CENPE: variants seen among roughly 807,000 people sequenced by gnomAD.
CENPE encodes the protein centromere protein E.
Under a neutral mutation model 336.1 loss-of-function variants are expected in CENPE, and 145 were observed. The observed-to-expected ratio is 0.43, with a 90% CI of 0.38 to 0.50. The LOEUF (loss-of-function observed/expected upper bound fraction) is 0.50, where lower values mean the gene tolerates loss of function less well. Among genes scored for constraint, CENPE ranks in the 20% least tolerant of loss-of-function variants. The probability of loss-of-function intolerance (pLI) is 0.00; values close to 1 mark genes in which losing one functional copy is unlikely to be tolerated. For synonymous variants in CENPE, 1,013 were observed against 984.8 expected (o/e 1.03, Z -0.54); for missense variants, 2,719 against 3,023.3 (o/e 0.90, Z 2.36).
At position 103,143,672 on chromosome 4, in the gene CENPE, T is replaced by C. The variant is rs151325949; in HGVS notation, c.5146-266A>G. On this transcript the variant is annotated intron_variant, in intron 33 of 48. Coordinates refer to ENST00000265148, the MANE Select transcript of CENPE (RefSeq NM_001813.3). The stretch of plus-strand genomic sequence containing the variant: ...GTGGCATAGAATTCCATGACGTGAA[T>C]GTGCTGCACTTATTTAACCAGTCCC... Among the ~76,000 whole-genome samples the C allele has an allele frequency of 6.0e-3, 911 of 152,344 alleles. 5 individuals carry two copies. The highest frequency in any genetic ancestry group is 0.014 in the Middle Eastern group (4 of 294).
intron 42 of CENPE, among the ~76,000 whole-genome samples, chr4:103,123,427 A>G (rs1431578705): frequency 6.6e-6 from 1 of 152,156 alleles, no homozygotes; most frequent in African/African-American, 2.4e-5. Flanking sequence ...TTAATTAATA[A>G]TGGCCCCAAA....
In CENPE at chr4:103,120,331, T is replaced by A; in HGVS notation, c.7146A>T (p.Lys2382Asn). 3 of 1,605,230 alleles carry A rather than the reference T, an allele frequency of 1.9e-6. No individual in the cohort carries two copies. The highest frequency in any genetic ancestry group is 1.7e-4 in the Middle Eastern group (1 of 6,038). ...TSRATQLTTEKIRELENSLHE... is the reference protein window; with the variant it reads ...TSRATQLTTENIRELENSLHE... ...GCAGTGAATTTTCCAGCTCTCGAATTTTCTATTAGAAAAAGCACACATTCA... is the reference window on the plus strand; with the variant it reads ...GCAGTGAATTTTCCAGCTCTCGAATATTCTATTAGAAAAAGCACACATTCA... The change falls in exon 44 of 49, where the codon AAA becomes AAT. Residue 2382 changes from lysine to asparagine, a missense_variant and splice_region_variant. Coordinates refer to ENST00000265148, the MANE Select transcript of CENPE (RefSeq NM_001813.3).
rs945511995 is a variant in CENPE, at chr4:103,161,535, A to G, written c.1843-78T>C. 4 of 1,285,570 alleles carry G rather than the reference A, an allele frequency of 3.1e-6. No homozygotes were observed. In the African/African-American group the frequency reaches 4.5e-5, roughly 15 times the overall value. 79.6% of individuals were successfully genotyped at this position (1,285,570 alleles called of 1,614,324 possible). A position where few individuals can be genotyped will look rare whatever the true frequency, so the allele number is the denominator to read the frequency against. On this transcript the variant is annotated intron_variant, in intron 18 of 48. Transcript: ENST00000265148. ...AAATTCTTAAGAGAACATGTATATA[A>G]ATGTTAACTCTAGCTAATCAAAAAG... is the stretch of plus-strand genomic sequence containing the variant.
intron 40 of CENPE, among the ~76,000 whole-genome samples, chr4:103,134,635 CAAAAAAAAA>C (rs36085712): frequency 1.5e-5 from 1 of 64,772 alleles, no homozygotes; most frequent in African/African-American, 6.3e-5. Context: ...GACTCCGTCT[CAAAAAAAAA>C]AAAAAAAAAA....
At position 103,142,780 on chromosome 4, in the gene CENPE, C is replaced by A. The variant is rs141363217; in HGVS notation, c.5304+468G>T. On this transcript the variant is annotated intron_variant, in intron 34 of 48. Coordinates refer to ENST00000265148, the MANE Select transcript of CENPE (RefSeq NM_001813.3). Reference sequence around the variant, plus strand: ...ATCCCAGCACTTTGGGAGGCCGAGGCGGGTGGATCATGAGGTCAGGAGATC... The same window carrying A: ...ATCCCAGCACTTTGGGAGGCCGAGGAGGGTGGATCATGAGGTCAGGAGATC... Among the ~76,000 whole-genome samples the A allele has an allele frequency of 3.6e-4, 55 of 152,068 alleles. 2 individuals are homozygous for A. The East Asian group carries it at 6.2e-3, about 17-fold the overall frequency.
At chr4:103,125,699 TA>T (rs561211383) in intron 42 of CENPE, among the ~76,000 whole-genome samples, 5 of 150,552 alleles carry the variant, frequency 3.3e-5, no homozygotes, top group African/African-American at 1.2e-4. Flanking sequence ...CCGTCTCTAC[TA>T]AAAAAAATAC....
chr4:103,178,442 G>T (rs896432111), intron 13 of CENPE, among the ~76,000 whole-genome samples: 1 of 152,122 alleles, frequency 6.6e-6, no homozygotes, highest in African/African-American at 2.4e-5. Flanking sequence ...CACAAAGAAA[G>T]TATAAACCTA....
At chr4:103,147,001 T>C (rs1753110063) in intron 29 of CENPE, among the ~76,000 whole-genome samples, 1 of 152,018 alleles carries the variant, frequency 6.6e-6, no homozygotes, top group Non-Finnish European at 1.5e-5. Context: ...ACTAAAACAA[T>C]GAGAAAGCAC....
Position 103,195,204 on chromosome 4 carries a change from T to C in CENPE, c.387A>G (p.Val129=). 1.9e-6 allele frequency: 3 copies of C among 1,581,896 alleles called. No individual in the cohort carries two copies. Among genetic ancestry groups the C allele is most frequent in the Non-Finnish European group, 2.6e-6 (3 of 1,169,022 alleles). ...TTTCATTGTATATTTCCATGTAAGA[T>C]ACACGTAAGAGAAATTCCCTATCAG... ...KFPDREFLLR[V]SYMEIYNETI... is the part of the protein sequence containing the mutation. The change falls in exon 5 of 49, where the codon GTA becomes GTG. Residue 129 remains valine, a synonymous_variant. Transcript: ENST00000265148.
At chr4:103,178,978 T>C (rs781110732) in intron 13 of CENPE, among the ~76,000 whole-genome samples, 3 of 152,182 alleles carry the variant, frequency 2.0e-5, no homozygotes, top group Non-Finnish European at 2.9e-5. Context: ...CACATTTGCA[T>C]TTTCAACAGC....
intron 17 of CENPE, 46 bp from the exon 18 acceptor site, chr4:103,163,302 A>G: frequency 6.5e-7 from 1 of 1,537,690 alleles, no homozygotes. Context: ...TCTGATTTGA[A>G]GTCTAAGGGA....
At chr4:103,147,949 C>T (rs1326207453) in intron 28 of CENPE, among the ~76,000 whole-genome samples, 2 of 152,110 alleles carry the variant, frequency 1.3e-5, no homozygotes, top group African/African-American at 4.8e-5. Context: ...CTGCCTTGGC[C>T]TCCCAAAGTG....
At position 103,185,714 on chromosome 4, in the gene CENPE, ATTACT is replaced by A. The variant is rs1016512540; in HGVS notation, c.745+91_745+95del. 1.0e-4 allele frequency: 64 copies of A among 636,876 alleles called. No individual in the cohort carries two copies. In the Admixed American group the frequency reaches 1.8e-3, roughly 18 times the overall value. 39.5% of individuals were successfully genotyped at this position (636,876 alleles called of 1,614,324 possible). ...TTCATTATTATTAATAATGAATATA[ATTACT>A]TTATCAATTTCTAAAAATGCCTGGT... On this transcript the variant is annotated intron_variant, in intron 9 of 48. Coordinates refer to ENST00000265148, the MANE Select transcript of CENPE (RefSeq NM_001813.3).
chr4:103,112,315 T>TTATA lies in CENPE; in HGVS notation c.7541-1308_7541-1305dup, dbSNP rs1358535092. On this transcript the variant is annotated intron_variant, in intron 46 of 48. Coordinates refer to ENST00000265148, the MANE Select transcript of CENPE (RefSeq NM_001813.3). Reference sequence around the variant, plus strand: ...TAAGATATTTGCTTGTACTATATACTTATAAGTGTATATATATATACACTT... The same window carrying TTATA: ...TAAGATATTTGCTTGTACTATATACTTATATATAAGTGTATATATATATACACTT... Among the ~76,000 whole-genome samples, 88 of 142,048 alleles carry TTATA rather than the reference T, an allele frequency of 6.2e-4. 1 individual carries two copies. Among genetic ancestry groups the TTATA allele is most frequent in the African/African-American group, 2.1e-3 (85 of 40,000 alleles). The allele number at this position is 142,048 out of a possible 152,430, so 93.2% of individuals were successfully genotyped here. A position where few individuals can be genotyped will look rare whatever the true frequency, so the allele number is the denominator to read the frequency against.
intron 21 of CENPE, among the ~76,000 whole-genome samples, chr4:103,159,802 AAATAG>A (rs927154474): frequency 6.6e-6 from 1 of 152,030 alleles, no homozygotes; most frequent in Admixed American, 6.6e-5. Context: ...AAAAAAATAA[AAATAG>A]AAGTACCACT....
chr4:103,132,787 T>C lies in CENPE; in HGVS notation c.6830A>G (p.Asn2277Ser). Reference protein sequence around the residue: ...EMTQFLEEWLNTRFDIEKLKN... With the variant: ...EMTQFLEEWLSTRFDIEKLKN... The stretch of plus-strand genomic sequence containing the variant: ...AAGCTTTTCTATATCAAAACGAGTA[T>C]TTAACCACTCTTCCAAAAACTGTGT... The change falls in exon 42 of 49, where the codon AAT becomes AGT. Residue 2277 changes from asparagine (N) to serine (S), a missense_variant. This residue lies in a region of CENPE where 2,437 missense variants were observed against 2,513.3 expected (regional missense o/e 0.97). Coordinates refer to ENST00000265148, the MANE Select transcript of CENPE (RefSeq NM_001813.3). 6.3e-7 allele frequency: 1 copy of C among 1,579,790 alleles called. No individual in the cohort carries two copies. Among genetic ancestry groups the C allele is most frequent in the Non-Finnish European group, 8.7e-7 (1 of 1,154,360 alleles).
intron 35 of CENPE, 150 bp from the exon 36 acceptor site, chr4:103,141,254 T>C (rs946485157): frequency 1.7e-6 from 1 of 572,286 alleles, no homozygotes. Flanking sequence ...TTTTGAGGTA[T>C]AATATATATA....
chr4:103,153,369 T>C (rs1464801875), intron 24 of CENPE, 119 bp from the exon 25 acceptor site: 1 of 650,808 alleles, frequency 1.5e-6, no homozygotes, highest in African/African-American at 1.8e-5. Flanking sequence ...TCTTAACACA[T>C]TTAATCTTGA....
intron 24 of CENPE, among the ~76,000 whole-genome samples, chr4:103,158,010 C>G (rs1466320605): frequency 6.6e-6 from 1 of 151,816 alleles, no homozygotes; most frequent in Non-Finnish European, 1.5e-5. Context: ...CTGCAATGGA[C>G]TGAATTTTAA....
Sources: gnomAD v4.1 joint callset for allele counts (sites outside exome capture counted in the v4.1 genomes callset) on GRCh38, gnomAD v4.1.1 for gene constraint, gnomAD v4.1.1 regional missense constraint, MANE v1.5 for transcripts, NCBI Gene and HGNC (gene_info 2026-07-23, HGNC 2026-07-21) for gene names.